Variants in RABGAP1L observed in about 807,000 individuals in gnomAD.
The protein encoded by RABGAP1L is RAB GTPase activating protein 1 like, also known as rab GTPase-activating protein 1-like.
Under a neutral mutation model 137.7 loss-of-function variants are expected in RABGAP1L, and 63 were observed. The observed-to-expected ratio is 0.46, with a 90% CI of 0.37 to 0.56. The LOEUF (loss-of-function observed/expected upper bound fraction) is 0.56. RABGAP1L is among the 20% of genes least tolerant of loss of function. The probability of loss-of-function intolerance (pLI) is 0.00; values close to 1 mark genes in which losing one functional copy is unlikely to be tolerated. For missense variants in RABGAP1L, 1,095 were observed against 1,244.0 expected (o/e 0.88, Z 1.80); for synonymous variants, 431 against 433.7 (o/e 0.99, Z 0.08).
chr1:174,978,922 T>C, intron 23 of RABGAP1L, 32 bp downstream of exon 23: 1 of 1,467,456 alleles, frequency 6.8e-7, no homozygotes, highest in Non-Finnish European at 9.0e-7. Context: ...TAGAGCTAGT[T>C]ATAGTTTGCT....
intron 19 of RABGAP1L, among the ~76,000 whole-genome samples, chr1:174,839,074 G>C (rs918235932): frequency 1.4e-4 from 21 of 146,004 alleles, no homozygotes; most frequent in African/African-American, 4.9e-4. Flanking sequence ...GGTGGGGGTA[G>C]ATACATATAT....
intron 20 of RABGAP1L, among the ~76,000 whole-genome samples, chr1:174,963,613 C>T (rs1669360846): frequency 6.6e-6 from 1 of 151,524 alleles, no homozygotes; most frequent in African/African-American, 2.4e-5. Flanking sequence ...ATCTAGAATG[C>T]ATCTGCTTTT....
At chr1:174,232,117 G>A (rs1393333746) in intron 4 of RABGAP1L, among the ~76,000 whole-genome samples, 1 of 152,188 alleles carries the variant, frequency 6.6e-6, no homozygotes, top group Non-Finnish European at 1.5e-5. Context: ...TAGATTTTAA[G>A]TTATTTACAT....
intron 18 of RABGAP1L, among the ~76,000 whole-genome samples, chr1:174,784,475 G>T (rs1687302664): frequency 6.6e-6 from 1 of 151,834 alleles, no homozygotes; most frequent in Non-Finnish European, 1.5e-5. Flanking sequence ...CTCCTATATT[G>T]TGGTGGGAGG....
At chr1:174,533,723 T>G (rs1452177070) in intron 13 of RABGAP1L, among the ~76,000 whole-genome samples, 1 of 152,110 alleles carries the variant, frequency 6.6e-6, no homozygotes, top group Non-Finnish European at 1.5e-5. Context: ...TAGGCTGGAG[T>G]GCAATGGTAT....
At chr1:174,214,783 A>G (rs772259152) in intron 1 of RABGAP1L, among the ~76,000 whole-genome samples, 15 of 152,196 alleles carry the variant, frequency 9.9e-5, no homozygotes, top group Non-Finnish European at 1.8e-4. Flanking sequence ...ATGGATATCC[A>G]TATACAGAAG....
At chr1:174,514,144 TAAG>T (rs1274440359) in intron 13 of RABGAP1L, among the ~76,000 whole-genome samples, 2 of 147,910 alleles carry the variant, frequency 1.4e-5, no homozygotes, top group East Asian at 2.0e-4. Context: ...TACTATTAGA[TAAG>T]AAGTTGCTTC....
At chr1:174,339,303 G>C (rs1681758380) in intron 11 of RABGAP1L, among the ~76,000 whole-genome samples, 2 of 152,118 alleles carry the variant, frequency 1.3e-5, no homozygotes, top group Non-Finnish European at 2.9e-5. Flanking sequence ...AAGGAAATTT[G>C]TGAAGTAGCA....
chr1:174,962,010 A>C (rs990603224), intron 20 of RABGAP1L, among the ~76,000 whole-genome samples: 2 of 150,902 alleles, frequency 1.3e-5, no homozygotes, highest in Non-Finnish European at 3.0e-5. Flanking sequence ...TAAATAAATA[A>C]AAATATAAAA....
intron 19 of RABGAP1L, among the ~76,000 whole-genome samples, chr1:174,816,795 G>A (rs1193908677): frequency 1.4e-5 from 2 of 147,962 alleles, no homozygotes; most frequent in African/African-American, 2.5e-5. Context: ...GCAATGGCGC[G>A]ATCCCTGCCT....
intron 13 of RABGAP1L, among the ~76,000 whole-genome samples, chr1:174,597,970 C>T (rs542622153): frequency 1.3e-5 from 2 of 152,244 alleles, no homozygotes; most frequent in South Asian, 2.1e-4. Flanking sequence ...CAACATTCCT[C>T]TTGTTGTTGA....
intron 19 of RABGAP1L, among the ~76,000 whole-genome samples, chr1:174,838,489 C>T (rs889717388): frequency 6.6e-6 from 1 of 152,152 alleles, no homozygotes. Context: ...ACAGATTTAA[C>T]GACCTAGTAC....
chr1:174,533,609 A>G (rs1349921965), intron 13 of RABGAP1L, among the ~76,000 whole-genome samples: 4 of 152,202 alleles, frequency 2.6e-5, no homozygotes, highest in Non-Finnish European at 5.9e-5. Flanking sequence ...TCTTTTCTCT[A>G]GCTTACTTTG....
rs143896776 is a variant in RABGAP1L, at chr1:174,888,023, C to T, written c.2341-69434C>T. Reference sequence around the variant, plus strand: ...CTGCACTCCAGCCTGGGGGACAGAGCGAGACTTCATATCAAAAGAAAAAAA... The same window carrying T: ...CTGCACTCCAGCCTGGGGGACAGAGTGAGACTTCATATCAAAAGAAAAAAA... On this transcript the variant is annotated intron_variant, in intron 19 of 25. Transcript: ENST00000681986. 2.7e-3 allele frequency among the ~76,000 whole-genome samples: 400 copies of T among 150,936 alleles called. 1 individual carries two copies. The highest frequency in any genetic ancestry group is 6.4e-3 in the African/African-American group (261 of 41,062).
At chr1:174,476,167 A>T (rs896741165) in intron 13 of RABGAP1L, among the ~76,000 whole-genome samples, 36 of 152,190 alleles carry the variant, frequency 2.4e-4, no homozygotes, top group Non-Finnish European at 1.5e-4. Flanking sequence ...GTAAGAGAAG[A>T]TCTTACCTAT....
intron 13 of RABGAP1L, chr1:174,547,735 G>A: frequency 2.0e-6 from 2 of 982,116 alleles, no homozygotes; most frequent in Non-Finnish European, 3.0e-6. Flanking sequence ...GCAAAGTTTG[G>A]ATATGGAGTC....
intron 4 of RABGAP1L, among the ~76,000 whole-genome samples, chr1:174,231,750 C>G (rs1670675281): frequency 6.6e-6 from 1 of 152,056 alleles, no homozygotes; most frequent in Non-Finnish European, 1.5e-5. Flanking sequence ...GTGGCAGGAG[C>G]AGGAGCAAGA....
At chr1:174,335,658 G>T (rs1681408838) in intron 11 of RABGAP1L, among the ~76,000 whole-genome samples, 1 of 152,176 alleles carries the variant, frequency 6.6e-6, no homozygotes, top group Non-Finnish European at 1.5e-5. Flanking sequence ...TTTTAAACTG[G>T]CTTTCTGTTT....
chr1:174,527,206 T>TTTA (rs1201670256), intron 13 of RABGAP1L, among the ~76,000 whole-genome samples: 3 of 75,480 alleles, frequency 4.0e-5, no homozygotes, highest in East Asian at 2.2e-4. Flanking sequence ...TTTATTTTGT[T>TTTA]TTTTTTTTTT....
Sources: gnomAD v4.1 joint callset for allele counts (sites outside exome capture counted in the v4.1 genomes callset) on GRCh38, gnomAD v4.1.1 for gene constraint, MANE v1.5 for transcripts, NCBI Gene and HGNC (gene_info 2026-07-23, HGNC 2026-07-21) for gene names.